SLC25A21: variants seen among roughly 807,000 people sequenced by gnomAD.
The protein encoded by SLC25A21 is mitochondrial 2-oxodicarboxylate carrier.
SLC25A21 carries 47 observed loss-of-function variants against 43.8 expected under a neutral mutation model. That is an observed-to-expected ratio of 1.07 (90% CI 0.85 to 1.37). SLC25A21 has a LOEUF of 1.37. Among genes scored for constraint, SLC25A21 ranks in the 40% most tolerant of loss-of-function variants. SLC25A21 has a pLI of 0.00. For synonymous variants in SLC25A21, 131 were observed against 121.3 expected (o/e 1.08, Z -0.52); for missense variants, 352 against 350.2 (o/e 1.00, Z -0.04).
At chr14:36,929,891 C>G (rs1013380192) in intron 1 of SLC25A21, among the ~76,000 whole-genome samples, 1 of 152,122 alleles carries the variant, frequency 6.6e-6, no homozygotes, top group African/African-American at 2.4e-5. Flanking sequence ...CACCATATTA[C>G]CTCCAATATT....
intron 2 of SLC25A21, among the ~76,000 whole-genome samples, chr14:36,866,447 G>A (rs2138540928): frequency 6.6e-6 from 1 of 152,234 alleles, no homozygotes; most frequent in East Asian, 1.9e-4. Context: ...TTCCTTTCCT[G>A]GGATTAAAAA....
intron 1 of SLC25A21, among the ~76,000 whole-genome samples, chr14:37,124,685 G>T (rs1207521214): frequency 6.6e-6 from 1 of 152,172 alleles, no homozygotes; most frequent in African/African-American, 2.4e-5. Flanking sequence ...TTGGATCTGT[G>T]TCCCCGCCCA....
chr14:36,700,028 T>C (rs529352060), intron 7 of SLC25A21, among the ~76,000 whole-genome samples: 2 of 152,174 alleles, frequency 1.3e-5, no homozygotes, highest in East Asian at 3.9e-4. Flanking sequence ...GTCTTCTGAG[T>C]TGATCACAAT....
At position 37,108,306 on chromosome 14, in the gene SLC25A21, C is replaced by T. The variant is rs373601765; in HGVS notation, c.70+63975G>A. ...GAATTCATTGCCCATGAGTACACAA[C>T]GCCTTTTTTATTCTTACAAAAAAAA... On this transcript the variant is annotated intron_variant, in intron 1 of 9. Transcript: ENST00000331299. Among the ~76,000 whole-genome samples the T allele has an allele frequency of 4.8e-3, 738 of 152,268 alleles. 8 individuals are homozygous for T. Among genetic ancestry groups the T allele is most frequent in the Non-Finnish European group, 8.5e-3 (577 of 68,008 alleles).
At chr14:37,140,351 T>A (rs971207527) in intron 1 of SLC25A21, among the ~76,000 whole-genome samples, 2 of 152,180 alleles carry the variant, frequency 1.3e-5, no homozygotes, top group Non-Finnish European at 2.9e-5. Context: ...TAGAACCACA[T>A]CTGACACATA....
chr14:37,098,762 C>CAGAT (rs1566880322), intron 1 of SLC25A21, among the ~76,000 whole-genome samples: 4 of 60,198 alleles, frequency 6.6e-5, no homozygotes, highest in African/African-American at 2.1e-4. Flanking sequence ...GACAGACAGA[C>CAGAT]AGACAGACAG....
chr14:36,921,320 A>C (rs1891975425), intron 1 of SLC25A21, among the ~76,000 whole-genome samples: 1 of 152,162 alleles, frequency 6.6e-6, no homozygotes, highest in African/African-American at 2.4e-5. Flanking sequence ...TCATTTGTTC[A>C]TACAGAGTGC....
At chr14:36,924,246 A>C (rs1214177659) in intron 1 of SLC25A21, among the ~76,000 whole-genome samples, 1 of 152,166 alleles carries the variant, frequency 6.6e-6, no homozygotes, top group Admixed American at 6.5e-5. Context: ...TTGCAGCACT[A>C]TTCACAATAG....
chr14:36,744,143 C>T (rs1885393597), intron 3 of SLC25A21, among the ~76,000 whole-genome samples: 1 of 152,118 alleles, frequency 6.6e-6, no homozygotes, highest in Non-Finnish European at 1.5e-5. Context: ...AATGCAATTT[C>T]TATCAAATTA....
chr14:36,982,937 C>T (rs1960063590), intron 1 of SLC25A21, among the ~76,000 whole-genome samples: 1 of 152,132 alleles, frequency 6.6e-6, no homozygotes, highest in Non-Finnish European at 1.5e-5. Flanking sequence ...ACTTTACTTT[C>T]CCAAGCCTAA....
At chr14:37,063,986 T>C (rs1054834569) in intron 1 of SLC25A21, among the ~76,000 whole-genome samples, 2 of 152,208 alleles carry the variant, frequency 1.3e-5, no homozygotes, top group African/African-American at 4.8e-5. Flanking sequence ...AATATCTAGA[T>C]AACTGGTAAA....
chr14:36,941,816 GGTT>G (rs1892565774), intron 1 of SLC25A21, among the ~76,000 whole-genome samples: 2 of 151,852 alleles, frequency 1.3e-5, no homozygotes, highest in South Asian at 4.2e-4. Context: ...TAATTTTAGA[GGTT>G]GTGTGAAAAT....
chr14:36,982,972 TTGAG>T (rs1676208537), intron 1 of SLC25A21, among the ~76,000 whole-genome samples: 1 of 152,202 alleles, frequency 6.6e-6, no homozygotes, highest in Non-Finnish European at 1.5e-5. Flanking sequence ...ATAATTTCCT[TTGAG>T]TTTTTTCAAA....
chr14:36,837,256 T>C (rs578214230), intron 2 of SLC25A21, among the ~76,000 whole-genome samples: 86 of 151,726 alleles, frequency 5.7e-4, no homozygotes, highest in African/African-American at 2.0e-3. Context: ...TGGGGCTAAA[T>C]GTTACTGAAA....
chr14:36,679,176 TTTC>T lies in SLC25A21; in HGVS notation c.*1479_*1481del. 3 of 985,234 alleles carry T rather than the reference TTTC, an allele frequency of 3.0e-6. No individual in the cohort carries two copies. Among genetic ancestry groups the T allele is most frequent in the Non-Finnish European group, 3.6e-6 (3 of 829,760 alleles). The allele number at this position is 985,234 out of a possible 1,614,324, so 61.0% of individuals were successfully genotyped here. On this transcript the variant is annotated 3_prime_UTR_variant, in exon 10 of 10. Transcript: ENST00000331299. ...GTTGTGCAACAGAGACACATTCTTATTTCTTTTTTTTCACAATTTTGTTTTGTT... is the reference window on the plus strand; with the variant it reads ...GTTGTGCAACAGAGACACATTCTTATTTTTTTTTCACAATTTTGTTTTGTT...
At chr14:36,974,541 T>C (rs773248961) in intron 1 of SLC25A21, among the ~76,000 whole-genome samples, 11 of 152,228 alleles carry the variant, frequency 7.2e-5, no homozygotes, top group Non-Finnish European at 1.6e-4. Flanking sequence ...TATGAAAACT[T>C]ACTTGCCCTA....
intron 1 of SLC25A21, among the ~76,000 whole-genome samples, chr14:37,151,071 T>C (rs527353907): frequency 2.6e-5 from 4 of 152,280 alleles, no homozygotes; most frequent in African/African-American, 7.2e-5. Flanking sequence ...CTTTGGGCCA[T>C]GATTCTATTT....
At chr14:36,872,387 A>G (rs1487168740) in intron 2 of SLC25A21, among the ~76,000 whole-genome samples, 2 of 152,178 alleles carry the variant, frequency 1.3e-5, no homozygotes, top group Non-Finnish European at 1.5e-5. Flanking sequence ...AATGATCAAT[A>G]CTATTCCCTG....
intron 6 of SLC25A21, among the ~76,000 whole-genome samples, chr14:36,720,669 G>T (rs1382792314): frequency 2.6e-5 from 4 of 152,240 alleles, no homozygotes; most frequent in Admixed American, 2.0e-4. Context: ...GCTTAATCGA[G>T]AATTCATGTT....
Sources: gnomAD v4.1 joint callset for allele counts (sites outside exome capture counted in the v4.1 genomes callset) on GRCh38, gnomAD v4.1.1 for gene constraint, MANE v1.5 for transcripts, NCBI Gene and HGNC (gene_info 2026-07-23, HGNC 2026-07-21) for gene names.